The following MTA3 variants were observed in gnomAD, a reference collection of about 807,000 sequenced individuals.
The protein encoded by MTA3 is metastasis associated 1 family member 3, also known as metastasis-associated protein MTA3.
MTA3 carries 34 observed loss-of-function variants against 83.5 expected under a neutral mutation model. That is an observed-to-expected ratio of 0.41 (90% CI 0.31 to 0.54). The LOEUF (loss-of-function observed/expected upper bound fraction) is 0.54, where lower values mean the gene tolerates loss of function less well. Among genes scored for constraint, MTA3 ranks in the 20% least tolerant of loss-of-function variants. The pLI, the probability that MTA3 is intolerant of heterozygous loss-of-function variation, is 0.33. For missense variants in MTA3, 761 were observed against 726.4 expected (o/e 1.05, Z -0.55); for synonymous variants, 303 against 252.7 (o/e 1.20, Z -1.89).
rs1558428423 is a variant in MTA3 at position 42,548,859 on chromosome 2, AATATATATATATATATAAT to A, written c.-140-21563_-140-21545del. ...ATATATATATATAATATATATATATAATATATATATATATATAATATATATATATATATCAGCGGGCACG... is the reference window on the plus strand; with the variant it reads ...ATATATATATATAATATATATATATAATATATATATATATCAGCGGGCACG... On this transcript the variant is annotated intron_variant, in intron 2 of 17. Coordinates refer to the MTA3 transcript ENST00000405592. Among the ~76,000 whole-genome samples, 33 of 22,026 alleles carry A rather than the reference AATATATATATATATATAAT, an allele frequency of 1.5e-3. 6 individuals carry two copies. The highest frequency in any genetic ancestry group is 0.031 in the Middle Eastern group (1 of 32). The allele number at this position is 22,026 out of a possible 152,430, so 14.4% of individuals were successfully genotyped here. A position where few individuals can be genotyped will look rare whatever the true frequency, so the allele number is the denominator to read the frequency against.
intron 2 of MTA3, among the ~76,000 whole-genome samples, chr2:42,524,367 C>T (rs1259490004): frequency 6.6e-6 from 1 of 150,990 alleles, no homozygotes; most frequent in Non-Finnish European, 1.5e-5. Context: ...GTGGCCTGAT[C>T]TGGGCTTGCT....
chr2:42,581,360 CTTTTTTTT>C (rs778419810), intron 3 of MTA3, among the ~76,000 whole-genome samples: 14 of 88,270 alleles, frequency 1.6e-4, no homozygotes, highest in South Asian at 7.3e-4. Flanking sequence ...TCCCAAATTG[CTTTTTTTT>C]TTTTTTTTTT....
intron 6 of MTA3, among the ~76,000 whole-genome samples, chr2:42,655,882 T>G (rs371005647): frequency 6.6e-6 from 1 of 152,170 alleles, no homozygotes; most frequent in Non-Finnish European, 1.5e-5. Context: ...AGATTACAGG[T>G]GCAGGCCACC....
chr2:42,720,951 C>CAAAATA (rs1667360783), intron 15 of MTA3, among the ~76,000 whole-genome samples: 1 of 69,588 alleles, frequency 1.4e-5, no homozygotes, highest in Non-Finnish European at 2.8e-5. Context: ...GACCCTGTCT[C>CAAAATA]AAAAAAAAAA....
At chr2:42,588,790 C>T (rs1003978825) in intron 3 of MTA3, among the ~76,000 whole-genome samples, 5 of 128,186 alleles carry the variant, frequency 3.9e-5, no homozygotes, top group East Asian at 2.1e-4. Flanking sequence ...TGCATGTATA[C>T]ACATGTATGT....
At position 42,609,643 on chromosome 2, in the gene MTA3, T is replaced by C. The variant is rs1683938208; in HGVS notation, c.317+59T>C. ...CTACGGTGACCAAAAAACAAAAGACTTCTTTGAAGCGTTTTCCAGACTCTT... is the reference window on the plus strand; with the variant it reads ...CTACGGTGACCAAAAAACAAAAGACCTCTTTGAAGCGTTTTCCAGACTCTT... On this transcript the variant is annotated intron_variant, in intron 4 of 16. Transcript: ENST00000405094. 4.0e-6 allele frequency: 6 copies of C among 1,518,490 alleles called. No homozygotes were observed. The South Asian group carries it at 7.9e-5, about 20-fold the overall frequency. 94.1% of individuals were successfully genotyped at this position (1,518,490 alleles called of 1,614,324 possible).
chr2:42,678,442 A>T (rs936532870), intron 8 of MTA3, among the ~76,000 whole-genome samples: 1 of 151,966 alleles, frequency 6.6e-6, no homozygotes, highest in African/African-American at 2.4e-5. Context: ...GGTTCAAGTG[A>T]TTCTCCTGCC....
At chr2:42,531,699 C>T (rs1304251452) in intron 2 of MTA3, among the ~76,000 whole-genome samples, 2 of 151,894 alleles carry the variant, frequency 1.3e-5, no homozygotes, top group Non-Finnish European at 2.9e-5. Context: ...GATCTGTCCA[C>T]ATCAGCCTCC....
chr2:42,590,550 A>C (rs1680845964), intron 3 of MTA3, among the ~76,000 whole-genome samples: 1 of 151,630 alleles, frequency 6.6e-6, no homozygotes, highest in South Asian at 2.1e-4. Flanking sequence ...ACCCAGCCTC[A>C]AGTATTCTTT....
chr2:42,641,208 G>GTT lies in MTA3; in HGVS notation c.381+991_381+992dup, dbSNP rs1165358003. 3.0e-3 allele frequency among the ~76,000 whole-genome samples: 390 copies of GTT among 131,708 alleles called. 1 individual carries two copies. Among genetic ancestry groups the GTT allele is most frequent in the African/African-American group, 0.01 (364 of 35,816 alleles). The allele number at this position is 131,708 out of a possible 152,430, so 86.4% of individuals were successfully genotyped here. A position where few individuals can be genotyped will look rare whatever the true frequency, so the allele number is the denominator to read the frequency against. On this transcript the variant is annotated intron_variant, in intron 5 of 16. Transcript: ENST00000405094. ...AGGCATGAGCCACTGTGCCTGGCCG[G>GTT]TTTTTTTTTTTTTTTTTTTTAAATC...
At chr2:42,667,596 G>GTTTGTGTGTGTGTGTGTGTT (rs1553379132) in intron 8 of MTA3, among the ~76,000 whole-genome samples, 1 of 127,486 alleles carries the variant, frequency 7.8e-6, no homozygotes, top group Non-Finnish European at 1.6e-5. Context: ...GTGTGTGTGT[G>GTTTGTGTGTGTGTGTGTGTT]TGTGTGTGTG....
intron 8 of MTA3, among the ~76,000 whole-genome samples, chr2:42,679,511 G>A (rs924809771): frequency 6.6e-6 from 1 of 152,210 alleles, no homozygotes; most frequent in South Asian, 2.1e-4. Flanking sequence ...GGAAAACGTG[G>A]TGTCAGACTT....
intron 2 of MTA3, among the ~76,000 whole-genome samples, chr2:42,543,507 C>T (rs1334535636): frequency 4.6e-5 from 7 of 152,064 alleles, no homozygotes; most frequent in African/African-American, 1.7e-4. Flanking sequence ...TTGTTTGAGA[C>T]GGGGTCTCAC....
intron 6 of MTA3, among the ~76,000 whole-genome samples, chr2:42,654,412 G>C (rs1243791267): frequency 6.6e-6 from 1 of 152,178 alleles, no homozygotes; most frequent in East Asian, 1.9e-4. Flanking sequence ...GTGATCAAAA[G>C]CAAAACAAAG....
chr2:42,644,911 C>T (rs77944929), intron 6 of MTA3, among the ~76,000 whole-genome samples: 3,965 of 152,168 alleles, frequency 0.026, 151 homozygotes, highest in African/African-American at 0.091. Context: ...TTTTATGAGA[C>T]ACAACAATAT....
intron 4 of MTA3, among the ~76,000 whole-genome samples, chr2:42,612,949 T>A (rs1196989178): frequency 6.6e-6 from 1 of 152,208 alleles, no homozygotes; most frequent in African/African-American, 2.4e-5. Flanking sequence ...ACAAATGGTT[T>A]TAAAAATGTA....
chr2:42,500,472 C>T (rs1312421975), intron 2 of MTA3, among the ~76,000 whole-genome samples: 4 of 151,884 alleles, frequency 2.6e-5, no homozygotes, highest in Admixed American at 2.0e-4. Context: ...GCAGGAGAAT[C>T]GCTTAAACCT....
intron 2 of MTA3, among the ~76,000 whole-genome samples, chr2:42,526,403 T>A (rs1302730849): frequency 2.0e-5 from 3 of 152,112 alleles, no homozygotes; most frequent in Non-Finnish European, 4.4e-5. Context: ...GCTCTCCCTG[T>A]GTCCCACACT....
chr2:42,549,922 A>G (rs1677039809), intron 2 of MTA3, among the ~76,000 whole-genome samples: 1 of 151,458 alleles, frequency 6.6e-6, no homozygotes, highest in African/African-American at 2.4e-5. Flanking sequence ...GTACCTGCTC[A>G]TTAGTCACTT....
Sources: gnomAD v4.1 joint callset for allele counts (sites outside exome capture counted in the v4.1 genomes callset) on GRCh38, gnomAD v4.1.1 for gene constraint, MANE v1.5 for transcripts, NCBI Gene and HGNC (gene_info 2026-07-23, HGNC 2026-07-21) for gene names.